The following RBM26 variants were observed in gnomAD, a reference collection of about 807,000 sequenced individuals.
RBM26 encodes the protein RNA-binding protein 26.
In RBM26, 30 loss-of-function variants were observed where a neutral mutation model predicts 123.6. The ratio of observed to expected loss-of-function variants is 0.24; its 90% CI spans 0.18 to 0.33. The LOEUF (loss-of-function observed/expected upper bound fraction) is 0.33, where lower values mean the gene tolerates loss of function less well. Ranked by LOEUF, RBM26 falls within the 10% of genes least tolerant of loss-of-function variation. The pLI, the probability that RBM26 is intolerant of heterozygous loss-of-function variation, is 1.00. For synonymous variants in RBM26, 400 were observed against 404.4 expected, an observed-to-expected ratio of 0.99 and a Z score of 0.13; for missense variants, 947 against 1,203.6, an observed-to-expected ratio of 0.79 and a Z score of 3.15.
chr13:79,321,478 T>A (rs1484076771), intron 21 of RBM26, among the ~76,000 whole-genome samples: 3 of 151,520 alleles, frequency 2.0e-5, no homozygotes, highest in Non-Finnish European at 4.4e-5. Flanking sequence ...ATTTATTAAC[T>A]TAAACTTTTT....
chr13:79,344,298 C>T lies in RBM26; in HGVS notation c.2209G>A (p.Val737Ile). The change falls in exon 16 of 22, where the codon GTA (valine) becomes ATA (isoleucine). Residue 737 changes from valine (V) to isoleucine (I), a missense_variant. Val to Ile is a conservative substitution (Grantham distance 29). Transcript: ENST00000438737. ...AAAATTTCTTGTTTCCTTTTCCTTA[C>T]ATCCTGCTGAAGTTTCAATGCCTCC... ...KQEALKLQQD[V>I]RKRKQEILEK... The T allele has an allele frequency of 1.9e-6, 3 of 1,610,150 alleles. No homozygotes were observed. The highest frequency in any genetic ancestry group is 1.3e-5 in the African/African-American group (1 of 74,930).
intron 1 of RBM26, among the ~76,000 whole-genome samples, chr13:79,380,739 G>A (rs932199295): frequency 6.6e-6 from 1 of 151,846 alleles, no homozygotes; most frequent in African/African-American, 2.4e-5. Context: ...CCAATCCAGC[G>A]TAATTTTGTA....
At chr13:79,369,299 C>A (rs957998524) in intron 5 of RBM26, among the ~76,000 whole-genome samples, 1 of 152,018 alleles carries the variant, frequency 6.6e-6, no homozygotes, top group Non-Finnish European at 1.5e-5. Flanking sequence ...TAATTACAGA[C>A]CACAAAACAA....
At chr13:79,351,021 T>C (rs1352379159) in intron 14 of RBM26, among the ~76,000 whole-genome samples, 2 of 152,222 alleles carry the variant, frequency 1.3e-5, no homozygotes, top group African/African-American at 4.8e-5. Context: ...AAATGATTTT[T>C]TTCCCATAAA....
chr13:79,382,851 T>A (rs2077171029), intron 1 of RBM26, among the ~76,000 whole-genome samples: 1 of 152,138 alleles, frequency 6.6e-6, no homozygotes, highest in Non-Finnish European at 1.5e-5. Flanking sequence ...ATAAACAAAC[T>A]CAAACAGATT....
chr13:79,374,046 G>T (rs1381524792), intron 3 of RBM26, among the ~76,000 whole-genome samples: 2 of 151,934 alleles, frequency 1.3e-5, no homozygotes, highest in East Asian at 3.9e-4. Context: ...ATAAGATAGG[G>T]CTCAAGATTT....
rs1265341471 is a variant in RBM26, at chr13:79,358,314, T to G, written c.1649A>C (p.Asn550Thr). The change falls in exon 11 of 22, where the codon AAT (asparagine) becomes ACT (threonine). Residue 550 changes from asparagine to threonine, a missense_variant. Physicochemically the swap from Asn to Thr is moderately conservative, Grantham distance 65 (BLOSUM62 0). Around this residue, in one of 5 missense-constraint regions of RBM26, gnomAD observed 493 missense variants for 563.1 expected, o/e 0.88. Coordinates refer to ENST00000438737, the MANE Select transcript of RBM26 (RefSeq NM_001366735.2). Reference protein sequence around the residue: ...PPELNNISKLNEHFSRFGTLV... With the variant: ...PPELNNISKLTEHFSRFGTLV... ...GGTTCCAAATCGACTAAAATGTTCA[T>G]TAAGTTTGCTGATATTATTTAATTC... is the stretch of plus-strand genomic sequence containing the variant. 6.2e-7 allele frequency: 1 copy of G among 1,610,180 alleles called. No homozygotes were observed. The highest frequency in any genetic ancestry group is 8.5e-7 in the Non-Finnish European group (1 of 1,178,826).
Position 79,368,758 on chromosome 13 carries a change from C to T in RBM26, c.867G>A (p.Met289Ile), listed in dbSNP as rs750886012. The change falls in exon 6 of 22, where the codon ATG becomes ATA. Residue 289 changes from methionine (M) to isoleucine (I), a missense_variant. By Grantham distance (10) the Met-to-Ile change is conservative. Coordinates refer to ENST00000438737, the MANE Select transcript of RBM26 (RefSeq NM_001366735.2). Reference protein sequence around the residue: ...VDHNSYVRPPMPKKRCRDYDE... With the variant: ...VDHNSYVRPPIPKKRCRDYDE... ...CATAGTCTCTACACCGTTTCTTTGG[C>T]ATGGGTGGTCTTACGTAAGAGTTAT... 1 of 1,613,876 alleles carries T rather than the reference C, an allele frequency of 6.2e-7. No individual in the cohort carries two copies. Among genetic ancestry groups the T allele is most frequent in the South Asian group, 1.1e-5 (1 of 91,070 alleles).
At chr13:79,363,697 C>T (rs2074963549) in intron 9 of RBM26, among the ~76,000 whole-genome samples, 1 of 152,166 alleles carries the variant, frequency 6.6e-6, no homozygotes, top group Non-Finnish European at 1.5e-5. Flanking sequence ...GAAATTACCA[C>T]ACATCCAACT....
At chr13:79,387,562 T>TAA (rs5805031) in intron 1 of RBM26, among the ~76,000 whole-genome samples, 4 of 146,134 alleles carry the variant, frequency 2.7e-5, no homozygotes, top group Admixed American at 6.8e-5. Context: ...TTTACTCATT[T>TAA]AAAAAAAAAA....
At chr13:79,355,503 T>C (rs4328330) in intron 11 of RBM26, 119 bp from the exon 12 acceptor site, 337,390 of 697,670 alleles carry the variant, frequency 0.48, 84,039 homozygotes, top group African/African-American at 0.56. Flanking sequence ...TTTATACTTC[T>C]TGGTATCTGG....
chr13:79,357,905 A>T (rs9318628), intron 11 of RBM26, among the ~76,000 whole-genome samples: 5 of 148,606 alleles, frequency 3.4e-5, no homozygotes, highest in Non-Finnish European at 5.9e-5. Flanking sequence ...TTTTTGAGAC[A>T]GAGTTTTGCT....
In RBM26 at chr13:79,344,271, C is replaced by G. The variant is rs1263445346; in HGVS notation, c.2236G>C (p.Glu746Gln). Reference protein sequence around the residue: ...DVRKRKQEILEKHIETQKMLI... With the variant: ...DVRKRKQEILQKHIETQKMLI... ...ACCTTCTGTGTTTCAATGTGCTTTT[C>G]TAAAATTTCTTGTTTCCTTTTCCTT... Residue 746 changes from glutamate to glutamine, a missense_variant, in exon 16 of 22, where the codon GAA (glutamate) becomes CAA (glutamine). By Grantham distance (29) the Glu-to-Gln change is conservative (BLOSUM62 2). Transcript: ENST00000438737. The G allele has an allele frequency of 1.2e-6, 2 of 1,610,690 alleles. No individual in the cohort carries two copies. Among genetic ancestry groups the G allele is most frequent in the Non-Finnish European group, 1.7e-6 (2 of 1,177,274 alleles).
intron 4 of RBM26, among the ~76,000 whole-genome samples, chr13:79,371,429 T>TA (rs2075865840): frequency 6.6e-6 from 1 of 152,146 alleles, no homozygotes; most frequent in Non-Finnish European, 1.5e-5. Context: ...ATATAAGACT[T>TA]AGAGTACATA....
intron 1 of RBM26, among the ~76,000 whole-genome samples, chr13:79,387,127 A>G (rs1275071772): frequency 6.6e-6 from 1 of 152,174 alleles, no homozygotes; most frequent in Non-Finnish European, 1.5e-5. Flanking sequence ...TTTTCCGGTC[A>G]TGAATCTTAA....
chr13:79,339,631 G>C (rs2071040535), intron 18 of RBM26, among the ~76,000 whole-genome samples: 1 of 152,106 alleles, frequency 6.6e-6, no homozygotes, highest in African/African-American at 2.4e-5. Flanking sequence ...AGTATGCTCT[G>C]AGGAATATTA....
intron 21 of RBM26, 32 bp from the exon 22 acceptor site, chr13:79,320,742 CAAA>C (rs34668220): frequency 1.2e-3 from 1,303 of 1,081,704 alleles, no homozygotes; most frequent in South Asian, 4.6e-3. Flanking sequence ...GGAATTTACC[CAAA>C]AAAAAAAAAA....
chr13:79,372,070 G>C, intron 3 of RBM26, 140 bp from the exon 4 acceptor site: 3 of 598,148 alleles, frequency 5.0e-6, no homozygotes, highest in Non-Finnish European at 2.9e-6. Flanking sequence ...CACGAAGTCG[G>C]AAGTTCGACA....
At position 79,366,763 on chromosome 13, in the gene RBM26, A is replaced by G. The variant is rs891745801; in HGVS notation, c.1005T>C (p.Pro335=). The change falls in exon 7 of 22, where the codon CCT becomes CCC. Residue 335 remains proline, a synonymous_variant. Transcript: ENST00000438737. ...GAGGAGGTGGTCCTTCAACAACAGG[A>G]GGCTGTGCTGGGAAAGGCAGCATAC... ...LPGMLPFPAQ[P]PVVEGPPPPG... 3.1e-6 allele frequency: 5 copies of G among 1,613,748 alleles called. No homozygotes were observed. The African/African-American group carries it at 6.7e-5, about 22-fold the overall frequency.
Sources: gnomAD v4.1 joint callset for allele counts (sites outside exome capture counted in the v4.1 genomes callset) on GRCh38, gnomAD v4.1.1 for gene constraint, gnomAD v4.1.1 regional missense constraint, MANE v1.5 for transcripts, NCBI Gene and HGNC (gene_info 2026-07-23, HGNC 2026-07-21) for gene names.